Variants in MTUS1 observed in about 807,000 individuals in gnomAD.
MTUS1 encodes microtubule-associated tumor suppressor 1.
Under a neutral mutation model 120.8 loss-of-function variants are expected in MTUS1, and 109 were observed. The ratio of observed to expected loss-of-function variants is 0.90; its 90% CI spans 0.77 to 1.06. The LOEUF is 1.06. Ranked by LOEUF, MTUS1 falls within the 50% of genes least tolerant of loss-of-function variation. The probability of loss-of-function intolerance (pLI) is 0.00; values close to 1 mark genes in which losing one functional copy is unlikely to be tolerated. For synonymous variants in MTUS1, 737 were observed against 550.5 expected, an observed-to-expected ratio of 1.34 and a Z score of -4.74; for missense variants, 2,210 against 1,486.3, an observed-to-expected ratio of 1.49 and a Z score of -8.01.
intron 1 of MTUS1, among the ~76,000 whole-genome samples, chr8:17,791,436 G>T (rs1183270147): frequency 1.3e-5 from 2 of 152,172 alleles, no homozygotes; most frequent in East Asian, 3.8e-4. Context: ...TGAAAAATCA[G>T]AACAGGGAAC....
intron 8 of MTUS1, among the ~76,000 whole-genome samples, chr8:17,661,910 C>T (rs1472862343): frequency 6.6e-6 from 1 of 152,134 alleles, no homozygotes; most frequent in East Asian, 1.9e-4. Flanking sequence ...TAATGGCTTT[C>T]GTTTGAAGGA....
chr8:17,721,607 A>C (rs2045848130), intron 4 of MTUS1: 3 of 1,347,774 alleles, frequency 2.2e-6, no homozygotes, highest in Non-Finnish European at 3.0e-6. Flanking sequence ...CCATTACCAT[A>C]AATTACAAGT....
chr8:17,652,198 G>T (rs1050624005), intron 12 of MTUS1, among the ~76,000 whole-genome samples: 6 of 152,276 alleles, frequency 3.9e-5, no homozygotes, highest in African/African-American at 1.4e-4. Flanking sequence ...ACAAAGGTTG[G>T]GGTAAGGCTG....
At chr8:17,674,908 C>CA (rs1440721698) in intron 8 of MTUS1, 1 of 1,228,038 alleles carries the variant, frequency 8.1e-7, no homozygotes, top group Non-Finnish European at 1.0e-6. Context: ...CACACAATTA[C>CA]AAAAATAACT....
intron 4 of MTUS1, chr8:17,721,869 T>C: frequency 6.2e-7 from 1 of 1,614,088 alleles, no homozygotes; most frequent in Non-Finnish European, 8.5e-7. Flanking sequence ...TATCAGTTTC[T>C]GTACAACTGC....
intron 8 of MTUS1, chr8:17,663,914 T>A (rs1810337465): frequency 6.6e-6 from 1 of 152,258 alleles, no homozygotes; most frequent in Admixed American, 6.5e-5. Flanking sequence ...CATTTCTTCA[T>A]TTTTAAAGTG....
intron 3 of MTUS1, among the ~76,000 whole-genome samples, chr8:17,742,288 G>GTTTTTTTTTT (rs1362170650): frequency 3.0e-5 from 2 of 67,568 alleles, no homozygotes; most frequent in African/African-American, 1.5e-4. Flanking sequence ...TTTTGTTGTT[G>GTTTTTTTTTT]TTGTTTTTTT....
At chr8:17,706,561 A>T (rs1820202225) in intron 6 of MTUS1, among the ~76,000 whole-genome samples, 1 of 152,238 alleles carries the variant, frequency 6.6e-6, no homozygotes, top group Non-Finnish European at 1.5e-5. Flanking sequence ...GGTATGATGA[A>T]GCCAGGTGTC....
intron 3 of MTUS1, among the ~76,000 whole-genome samples, chr8:17,732,002 A>C (rs1299419811): frequency 6.6e-6 from 1 of 152,198 alleles, no homozygotes; most frequent in Non-Finnish European, 1.5e-5. Flanking sequence ...AAGAGGGCGA[A>C]GGGGGAGCTG....
chr8:17,721,791 A>C (rs2045864436), intron 4 of MTUS1: 1 of 1,614,216 alleles, frequency 6.2e-7, no homozygotes, highest in East Asian at 2.2e-5. Flanking sequence ...TCAATAAGGT[A>C]GCATCATAGT....
chr8:17,779,681 G>T (rs2050719672), intron 1 of MTUS1, among the ~76,000 whole-genome samples: 1 of 152,106 alleles, frequency 6.6e-6, no homozygotes, highest in African/African-American at 2.4e-5. Context: ...CCTTCACTTG[G>T]CTTCAGAGGC....
At chr8:17,798,541 C>A (rs1003782006) in intron 1 of MTUS1, among the ~76,000 whole-genome samples, 6 of 152,088 alleles carry the variant, frequency 3.9e-5, no homozygotes, top group Non-Finnish European at 7.4e-5. Context: ...ACCATGTTGC[C>A]CAGGCTGGTC....
At chr8:17,752,255 G>C (rs1040826755) in intron 2 of MTUS1, among the ~76,000 whole-genome samples, 1 of 151,944 alleles carries the variant, frequency 6.6e-6, no homozygotes, top group African/African-American at 2.4e-5. Flanking sequence ...TTGGTAGCTG[G>C]GGACTGACAC....
intron 1 of MTUS1, among the ~76,000 whole-genome samples, chr8:17,776,362 C>CT: frequency 6.6e-6 from 1 of 152,110 alleles, no homozygotes; most frequent in East Asian, 1.9e-4. Flanking sequence ...GTAACAATCC[C>CT]TGCAGAGACC....
chr8:17,722,494 G>A, intron 4 of MTUS1: 3 of 985,198 alleles, frequency 3.0e-6, no homozygotes, highest in Non-Finnish European at 3.6e-6. Flanking sequence ...CAACAGTAAA[G>A]CTGGTAACAA....
rs777518270 is a variant in MTUS1 at position 17,721,912 on chromosome 8, C to CAA, written c.2449+1758_2449+1759dup. 229 of 1,608,220 alleles carry CAA rather than the reference C, an allele frequency of 1.4e-4. 4 individuals are homozygous for CAA. The South Asian group carries it at 2.0e-3, about 14-fold the overall frequency. ...TCCTGGTACAGTCATTTAAAAGGATCAAAGCAAGCTTAAGCAGGAAAAACT... is the reference window on the plus strand; with the variant it reads ...TCCTGGTACAGTCATTTAAAAGGATCAAAAAGCAAGCTTAAGCAGGAAAAACT... On this transcript the variant is annotated intron_variant, in intron 4 of 14. Transcript: ENST00000693296.
chr8:17,722,399 A>T (rs1312479587), intron 4 of MTUS1: 2 of 984,860 alleles, frequency 2.0e-6, no homozygotes, highest in South Asian at 9.4e-5. Context: ...AGAGAGCTTA[A>T]AATAATACAC....
rs573148965 is a variant in MTUS1 at position 17,684,504 on chromosome 8, T to C, written c.2662A>G (p.Ile888Val). The C allele has an allele frequency of 6.2e-7, 1 of 1,614,164 alleles. No homozygotes were observed. Among genetic ancestry groups the C allele is most frequent in the Non-Finnish European group, 8.5e-7 (1 of 1,180,024 alleles). Residue 888 changes from isoleucine (I) to valine (V), a missense_variant, in exon 7 of 15, where the codon ATC (isoleucine) becomes GTC (valine). By Grantham distance (29) the Ile-to-Val change is conservative. Transcript: ENST00000693296. ...SRQKNPRSLC[I>V]QPQTAPDALP... ...GCATCGGGAGCTGTCTGTGGCTGGA[T>C]ACATAAGCTTCGAGGATTCTTTTGC...
At chr8:17,647,382 A>C in intron 13 of MTUS1, 1 of 254,314 alleles carries the variant, frequency 3.9e-6, no homozygotes, top group East Asian at 9.4e-5. Flanking sequence ...TTTCTGTTTC[A>C]ATGTGAAATA....
Sources: gnomAD v4.1 joint callset for allele counts (sites outside exome capture counted in the v4.1 genomes callset) on GRCh38, gnomAD v4.1.1 for gene constraint, MANE v1.5 for transcripts, NCBI Gene and HGNC (gene_info 2026-07-23, HGNC 2026-07-21) for gene names.